The following CABIN1 variants were observed in gnomAD, a reference collection of about 807,000 sequenced individuals.
The protein encoded by CABIN1 is calcineurin-binding protein cabin-1.
A neutral mutation model predicts 227.7 loss-of-function variants in CABIN1; 133 were observed. The ratio of observed to expected loss-of-function variants is 0.58; its 90% CI spans 0.51 to 0.67. The LOEUF (loss-of-function observed/expected upper bound fraction) is 0.67, where lower values mean the gene tolerates loss of function less well. Ranked by LOEUF, CABIN1 falls within the 30% of genes least tolerant of loss-of-function variation. CABIN1 has a pLI of 0.00. For synonymous variants in CABIN1, 1,086 were observed against 1,155.1 expected, an observed-to-expected ratio of 0.94 and a Z score of 1.21; for missense variants, 2,408 against 2,852.5, an observed-to-expected ratio of 0.84 and a Z score of 3.55.
intron 4 of CABIN1, among the ~76,000 whole-genome samples, chr22:24,040,906 C>T (rs959928131): frequency 8.5e-5 from 13 of 152,204 alleles, no homozygotes; most frequent in Admixed American, 2.0e-4. Context: ...GTTGGATGCC[C>T]AGACTCTCTG....
At position 24,163,679 on chromosome 22, in the gene CABIN1, G is replaced by T. The variant is rs539088035; in HGVS notation, c.4747-721G>T. On this transcript the variant is annotated intron_variant, in intron 29 of 36. Coordinates refer to ENST00000263119, the MANE Select transcript of CABIN1 (RefSeq NM_012295.4). ...TCACTCCCTGCTTTCCCCACACCCT[G>T]CCTGGACCCCGAGTAGGTGTCAGAT... 1.4e-4 allele frequency among the ~76,000 whole-genome samples: 21 copies of T among 152,280 alleles called. No individual in the cohort carries two copies. The East Asian group carries it at 3.7e-3, about 27-fold the overall frequency.
At chr22:24,106,870 C>G (rs1392250228) in intron 26 of CABIN1, among the ~76,000 whole-genome samples, 1 of 152,180 alleles carries the variant, frequency 6.6e-6, no homozygotes, top group African/African-American at 2.4e-5. Context: ...GGTGTTCTTT[C>G]AGTCTGACTG....
At position 24,072,440 on chromosome 22, in the gene CABIN1, C is replaced by T; in HGVS notation, c.2562C>T (p.Ile854=). Residue 854 remains isoleucine, a synonymous_variant, in exon 18 of 37, where the codon ATC becomes ATT. Transcript: ENST00000263119. ...TACCCTGGATCATTCTACACCGGAT[C>T]ATCTGGCAGGAGGAAGACACCTTCC... ...SVLPWIILHR[I]IWQEEDTFHS... 1 of 1,614,212 alleles carries T rather than the reference C, an allele frequency of 6.2e-7. No individual in the cohort carries two copies. Among genetic ancestry groups the T allele is most frequent in the Non-Finnish European group, 8.5e-7 (1 of 1,180,028 alleles).
intron 33 of CABIN1, among the ~76,000 whole-genome samples, chr22:24,168,847 G>C (rs1461232519): frequency 2.6e-5 from 4 of 152,204 alleles, no homozygotes; most frequent in Non-Finnish European, 5.9e-5. Flanking sequence ...AGCAATGTTA[G>C]AGCCAGTCTG....
chr22:24,032,070 C>T (rs2057112299), intron 1 of CABIN1, among the ~76,000 whole-genome samples: 2 of 152,116 alleles, frequency 1.3e-5, no homozygotes, highest in Non-Finnish European at 2.9e-5. Flanking sequence ...TGTTGTGTTA[C>T]CATCACCACC....
intron 22 of CABIN1, 43 bp from the exon 23 acceptor site, chr22:24,087,409 C>A: frequency 6.2e-7 from 1 of 1,609,576 alleles, no homozygotes; most frequent in Non-Finnish European, 8.5e-7. Flanking sequence ...CCATGCTTTT[C>A]ATGTAGTGTT....
intron 29 of CABIN1, among the ~76,000 whole-genome samples, chr22:24,139,270 G>A (rs975498599): frequency 7.2e-5 from 11 of 152,152 alleles, no homozygotes; most frequent in East Asian, 3.8e-4. Context: ...TGTGTCGTGC[G>A]GCTTTTTAAA....
Position 24,177,539 on chromosome 22 carries a change from G to T in CABIN1, c.6241G>T (p.Glu2081Ter), listed in dbSNP as rs1371796344. 1.9e-6 allele frequency: 3 copies of T among 1,557,812 alleles called. No homozygotes were observed. Residue 2081 changes from glutamate to a stop codon, truncating the protein, a stop_gained, in exon 36 of 37, where the codon GAG (glutamate) becomes TAG (stop). Transcript: ENST00000263119. LOFTEE classifies it high-confidence loss of function. This position sits in a 1 kb window ranked among gnomAD's most constrained non-coding sequence, Gnocchi z 4.4. ...KLRPEPRRDG[E>*]AQEAASETQP... ...GAGGCCTGAGCCGAGAAGGGATGGG[G>T]AGGCTCAGGAGGCTGCGAGTGAGAC... is the stretch of plus-strand genomic sequence containing the variant.
chr22:24,045,683 G>C (rs1281403739), intron 6 of CABIN1, among the ~76,000 whole-genome samples: 4 of 152,052 alleles, frequency 2.6e-5, no homozygotes, highest in Non-Finnish European at 2.9e-5. Flanking sequence ...ACCACTTTCT[G>C]TCTTAGTTAG....
intron 28 of CABIN1, among the ~76,000 whole-genome samples, chr22:24,133,864 G>C (rs1458212538): frequency 6.6e-6 from 1 of 152,182 alleles, no homozygotes. Context: ...AAGCACTGTG[G>C]CCAGAGTCCA....
chr22:24,164,917 C>T (rs1181766092), intron 30 of CABIN1, among the ~76,000 whole-genome samples: 3 of 152,142 alleles, frequency 2.0e-5, no homozygotes, highest in African/African-American at 7.2e-5. Flanking sequence ...TGTGGTTCCC[C>T]AGACAAAGGC....
chr22:24,061,961 G>T lies in CABIN1; in HGVS notation c.1632G>T (p.Met544Ile). Reference protein sequence around the residue: ...SNKHIKDMMLMSLSCMELQLD... With the variant: ...SNKHIKDMMLISLSCMELQLD... Reference sequence around the variant, plus strand: ...CTGTCCTGCAGGACATGATGCTGATGTCTCTCTCCTGCATGGAACTCCAGC... The same window carrying T: ...CTGTCCTGCAGGACATGATGCTGATTTCTCTCTCCTGCATGGAACTCCAGC... The change falls in exon 13 of 37, where the codon ATG (methionine) becomes ATT (isoleucine). Residue 544 changes from methionine (M) to isoleucine (I), a missense_variant. By Grantham distance (10) the Met-to-Ile change is conservative. Coordinates refer to ENST00000263119, the MANE Select transcript of CABIN1 (RefSeq NM_012295.4). 1.9e-6 allele frequency: 3 copies of T among 1,613,818 alleles called. No homozygotes were observed. The highest frequency in any genetic ancestry group is 2.5e-6 in the Non-Finnish European group (3 of 1,179,798).
At chr22:24,058,210 A>G (rs1685536050) in intron 10 of CABIN1, among the ~76,000 whole-genome samples, 1 of 152,130 alleles carries the variant, frequency 6.6e-6, no homozygotes, top group African/African-American at 2.4e-5. Context: ...TTTTGTAGAG[A>G]TGAGGTCTTG....
intron 15 of CABIN1, among the ~76,000 whole-genome samples, chr22:24,064,395 C>T (rs961348566): frequency 4.6e-5 from 7 of 151,690 alleles, no homozygotes; most frequent in South Asian, 2.1e-4. Flanking sequence ...TTAGTAGAGA[C>T]GGGGTTTCAC....
intron 3 of CABIN1, among the ~76,000 whole-genome samples, chr22:24,037,607 C>T (rs1029014930): frequency 2.0e-5 from 3 of 152,150 alleles, no homozygotes; most frequent in African/African-American, 7.2e-5. Context: ...GCAATGGAAA[C>T]CATTCACACT....
chr22:24,031,739 C>CT (rs1433259211), intron 1 of CABIN1, among the ~76,000 whole-genome samples: 1 of 152,144 alleles, frequency 6.6e-6, no homozygotes, highest in Non-Finnish European at 1.5e-5. Flanking sequence ...TCTCCCACTT[C>CT]TTCTAATCTC....
chr22:24,072,209 C>G, intron 17 of CABIN1, 145 bp from the exon 18 acceptor site: 1 of 752,238 alleles, frequency 1.3e-6, no homozygotes, highest in East Asian at 2.7e-5. Flanking sequence ...TGAGGATCTG[C>G]TAGGTTACAG....
At chr22:24,045,022 C>T in intron 6 of CABIN1, among the ~76,000 whole-genome samples, 1 of 151,792 alleles carries the variant, frequency 6.6e-6, no homozygotes. Context: ...CAGGTTCATG[C>T]CATTCTCCCG....
intron 10 of CABIN1, 40 bp downstream of exon 10, chr22:24,056,400 A>T: frequency 6.2e-7 from 1 of 1,601,674 alleles, no homozygotes. Context: ...ACAAACCCAC[A>T]AAGCTCCAGC....
Sources: allele counts gnomAD v4.1 joint callset (sites outside exome capture counted in the v4.1 genomes callset), GRCh38; gene constraint gnomAD v4.1.1; non-coding constraint Gnocchi (gnomAD v3.1); transcripts MANE v1.5; gene names NCBI Gene and HGNC (gene_info 2026-07-23, HGNC 2026-07-21).